The following EDIL3 variants were observed in gnomAD, a reference collection of about 807,000 sequenced individuals.
EDIL3 encodes the protein EGF like and discoidin domains 3.
A neutral mutation model predicts 67.4 loss-of-function variants in EDIL3; 37 were observed. The observed-to-expected ratio is 0.55, with a 90% CI of 0.42 to 0.72. The LOEUF (loss-of-function observed/expected upper bound fraction) is 0.72. Ranked by LOEUF, EDIL3 falls within the 30% of genes least tolerant of loss-of-function variation. The probability of loss-of-function intolerance (pLI) is 0.00; values close to 1 mark genes in which losing one functional copy is unlikely to be tolerated. For synonymous variants in EDIL3, 195 were observed against 196.3 expected, an observed-to-expected ratio of 0.99 and a Z score of 0.05; for missense variants, 527 against 586.3, an observed-to-expected ratio of 0.90 and a Z score of 1.04.
At chr5:84,322,665 CT>C (rs1377856972) in intron 1 of EDIL3, among the ~76,000 whole-genome samples, 2 of 151,968 alleles carry the variant, frequency 1.3e-5, no homozygotes, top group Non-Finnish European at 2.9e-5. Context: ...GAAATAATGG[CT>C]GAATATTCCT....
At position 83,942,725 on chromosome 5, in the gene EDIL3, G is replaced by GAC. The variant is rs1339506335; in HGVS notation, c.*692_*693dup. Reference sequence around the variant, plus strand: ...ATGTTCTACATATATGAGTAAACATGACACTTCTTTTAGTCAACTAATAGG... The same window carrying GAC: ...ATGTTCTACATATATGAGTAAACATGACACACTTCTTTTAGTCAACTAATAGG... On this transcript the variant is annotated 3_prime_UTR_variant, in exon 11 of 11. Transcript: ENST00000296591. 2 of 151,852 alleles carry GAC rather than the reference G, an allele frequency of 1.3e-5. No homozygotes were observed. Among genetic ancestry groups the GAC allele is most frequent in the Non-Finnish European group, 2.9e-5 (2 of 67,922 alleles). 9.4% of individuals were successfully genotyped at this position (151,852 alleles called of 1,614,324 possible).
At chr5:84,208,298 T>G (rs1236376815) in intron 3 of EDIL3, among the ~76,000 whole-genome samples, 2 of 152,014 alleles carry the variant, frequency 1.3e-5, no homozygotes, top group Non-Finnish European at 2.9e-5. Flanking sequence ...CATGAAAAAA[T>G]GCTCATCATC....
At chr5:83,986,818 A>T (rs1299940340) in intron 9 of EDIL3, among the ~76,000 whole-genome samples, 1 of 152,118 alleles carries the variant, frequency 6.6e-6, no homozygotes, top group African/African-American at 2.4e-5. Context: ...GGAGAAGTGC[A>T]CTTGCAAATG....
intron 10 of EDIL3, among the ~76,000 whole-genome samples, chr5:83,949,766 G>A (rs144607843): frequency 1.0e-3 from 152 of 151,936 alleles, no homozygotes; most frequent in African/African-American, 3.3e-3. Flanking sequence ...CGAGTGTGCA[G>A]TAGATGTTAA....
chr5:84,195,560 G>A (rs577819026), intron 3 of EDIL3, among the ~76,000 whole-genome samples: 30 of 152,014 alleles, frequency 2.0e-4, no homozygotes, highest in Non-Finnish European at 3.4e-4. Context: ...AGTTATAAAC[G>A]TGTACACTTG....
intron 3 of EDIL3, among the ~76,000 whole-genome samples, chr5:84,214,266 TTAAA>T (rs1744183448): frequency 6.6e-6 from 1 of 152,130 alleles, no homozygotes; most frequent in Non-Finnish European, 1.5e-5. Flanking sequence ...GCCAAGGAAT[TTAAA>T]TAATACAACT....
At chr5:83,981,026 T>C (rs929500743) in intron 9 of EDIL3, among the ~76,000 whole-genome samples, 4 of 152,122 alleles carry the variant, frequency 2.6e-5, no homozygotes, top group African/African-American at 7.2e-5. Flanking sequence ...CTCATGGTTA[T>C]GGATCGGAAG....
chr5:84,040,666 G>C (rs1161992164), intron 9 of EDIL3, among the ~76,000 whole-genome samples: 1 of 151,746 alleles, frequency 6.6e-6, no homozygotes, highest in East Asian at 1.9e-4. Flanking sequence ...ATTTGTTGTT[G>C]GATTTATTCA....
intron 6 of EDIL3, among the ~76,000 whole-genome samples, chr5:84,075,221 G>A (rs529285975): frequency 1.3e-5 from 2 of 151,430 alleles, no homozygotes; most frequent in East Asian, 3.9e-4. Context: ...AGTGGGGAGG[G>A]ATAGCATTAG....
In EDIL3 at chr5:83,971,278, CT is replaced by C. The variant is rs571222408; in HGVS notation, c.1138-7919del. Among the ~76,000 whole-genome samples the C allele has an allele frequency of 4.2e-3, 589 of 139,210 alleles. 2 individuals carry two copies. Among genetic ancestry groups the C allele is most frequent in the African/African-American group, 6.0e-3 (230 of 38,160 alleles). The allele number at this position is 139,210 out of a possible 152,430, so 91.3% of individuals were successfully genotyped here. On this transcript the variant is annotated intron_variant, in intron 9 of 10. Transcript: ENST00000296591. ...CATAAAGAAAAAAATATCCTTTTTT[CT>C]TTTTTTTTTTTTTAAAGAGACAGGG...
chr5:84,225,110 T>A (rs1306814741), intron 3 of EDIL3, among the ~76,000 whole-genome samples: 1 of 151,610 alleles, frequency 6.6e-6, no homozygotes, highest in Non-Finnish European at 1.5e-5. Context: ...GTTAACTGAA[T>A]CTACCCTGAT....
chr5:84,130,241 A>C (rs2112307428), intron 5 of EDIL3, among the ~76,000 whole-genome samples: 1 of 152,292 alleles, frequency 6.6e-6, no homozygotes, highest in South Asian at 2.1e-4. Flanking sequence ...TAAATAATAC[A>C]TAATTCTTTT....
At chr5:84,373,246 A>G (rs936737376) in intron 1 of EDIL3, among the ~76,000 whole-genome samples, 1 of 152,028 alleles carries the variant, frequency 6.6e-6, no homozygotes, top group Non-Finnish European at 1.5e-5. Context: ...GGGGCACAAG[A>G]TTTTGGGATT....
At chr5:84,167,888 T>A (rs902880294) in intron 4 of EDIL3, among the ~76,000 whole-genome samples, 10 of 152,192 alleles carry the variant, frequency 6.6e-5, no homozygotes, top group African/African-American at 2.4e-4. Context: ...TGCACTCATT[T>A]TATTTAGAAA....
chr5:84,139,222 G>A (rs1311449456), intron 4 of EDIL3, among the ~76,000 whole-genome samples: 1 of 150,616 alleles, frequency 6.6e-6, no homozygotes, highest in Admixed American at 6.7e-5. Context: ...GGGCAACAGA[G>A]CTAGACTCTG....
intron 3 of EDIL3, among the ~76,000 whole-genome samples, chr5:84,218,641 G>A (rs342414): frequency 0.72 from 109,368 of 152,110 alleles, 39,555 homozygotes; most frequent in East Asian, 0.86. Flanking sequence ...GCTCTTGGAC[G>A]GTGTTTCTTG....
intron 1 of EDIL3, among the ~76,000 whole-genome samples, chr5:84,275,338 A>G (rs1246405913): frequency 6.6e-6 from 1 of 152,238 alleles, no homozygotes; most frequent in Non-Finnish European, 1.5e-5. Flanking sequence ...ATCATATAGT[A>G]GAACATGATT....
intron 9 of EDIL3, among the ~76,000 whole-genome samples, chr5:84,024,861 C>G (rs910103628): frequency 6.6e-6 from 1 of 151,682 alleles, no homozygotes. Context: ...AAGTAGCTTC[C>G]TTCAATATTC....
intron 9 of EDIL3, among the ~76,000 whole-genome samples, chr5:83,970,814 C>T (rs1744779218): frequency 6.6e-6 from 1 of 151,176 alleles, no homozygotes; most frequent in African/African-American, 2.4e-5. Context: ...TCATCATCAT[C>T]CACCAGTATA....
Sources: gnomAD v4.1 joint callset for allele counts (sites outside exome capture counted in the v4.1 genomes callset) on GRCh38, gnomAD v4.1.1 for gene constraint, MANE v1.5 for transcripts, NCBI Gene and HGNC (gene_info 2026-07-23, HGNC 2026-07-21) for gene names.